RUNX3: variants seen among roughly 807,000 people sequenced by gnomAD.
RUNX3 encodes the protein runt-related transcription factor 3.
In RUNX3, 10 loss-of-function variants were observed where a neutral mutation model predicts 27.7. That is an observed-to-expected ratio of 0.36 (90% CI 0.22 to 0.61). The LOEUF (loss-of-function observed/expected upper bound fraction) is 0.61, where lower values mean the gene tolerates loss of function less well. RUNX3 is among the 20% of genes least tolerant of loss of function. RUNX3 has a pLI of 0.72. For missense variants in RUNX3, 469 were observed against 629.5 expected (o/e 0.75, Z 2.73); for synonymous variants, 270 against 269.2 (o/e 1.00, Z -0.03).
chr1:24,926,411 A>G (rs1373130954), intron 2 of RUNX3, among the ~76,000 whole-genome samples: 1 of 152,280 alleles, frequency 6.6e-6, no homozygotes, highest in East Asian at 1.9e-4. Context: ...GGGAGCCAAC[A>G]GGAACAGGAA....
intron 2 of RUNX3, among the ~76,000 whole-genome samples, chr1:24,921,299 G>A (rs935122478): frequency 1.3e-4 from 20 of 152,120 alleles, no homozygotes; most frequent in Admixed American, 9.8e-4. Flanking sequence ...AGGAGAATCC[G>A]GAACAAAATT....
upstream of RUNX3, among the ~76,000 whole-genome samples, chr1:24,933,173 C>A (rs928479397): frequency 6.6e-6 from 1 of 152,256 alleles, no homozygotes; most frequent in East Asian, 1.9e-4. Flanking sequence ...CCTGGGAAAC[C>A]GCCTAAGAGG....
chr1:24,953,363 G>GAAAAA (rs71577738), intron 2 of RUNX3, among the ~76,000 whole-genome samples: 16 of 60,016 alleles, frequency 2.7e-4, no homozygotes, highest in Non-Finnish European at 2.9e-4. Flanking sequence ...GACTCCGTCT[G>GAAAAA]AAAAAAAAAA....
At chr1:24,948,838 G>T (rs998220522) in intron 2 of RUNX3, among the ~76,000 whole-genome samples, 11 of 152,086 alleles carry the variant, frequency 7.2e-5, no homozygotes, top group African/African-American at 2.7e-4. Context: ...TGGGAAGCTG[G>T]GACCCCAGTG....
chr1:24,932,441 G>A, upstream of RUNX3, among the ~76,000 whole-genome samples: 1 of 152,028 alleles, frequency 6.6e-6, no homozygotes, highest in East Asian at 1.9e-4. Context: ...TGCCAGCCGC[G>A]GAGGTGCGGG....
At chr1:24,946,997 C>G (rs548512927) in intron 2 of RUNX3, among the ~76,000 whole-genome samples, 1 of 152,372 alleles carries the variant, frequency 6.6e-6, no homozygotes, top group Admixed American at 6.5e-5. Flanking sequence ...TCACTGTGGT[C>G]TGAGGGTCCT....
At chr1:24,930,895 C>T (rs1227433476), upstream of RUNX3, among the ~76,000 whole-genome samples, 5 of 152,164 alleles carry the variant, frequency 3.3e-5, no homozygotes, top group Admixed American at 2.6e-4. The surrounding 1 kb of genome is among the most constrained non-coding windows in gnomAD (Gnocchi z 4.1). Flanking sequence ...GGCCCCTGTG[C>T]CAAACCGGGG....
At position 24,901,018 on chromosome 1, in the gene RUNX3, T is replaced by TTTTG. The variant is rs1640531963; in HGVS notation, c.*1103_*1104insCAAA. ...AAAATCAGTTTTAAAAACTGTTTTG[T>TTTTG]TTTTTTTTTGTTTTTTTGTTTTTTT... is the stretch of plus-strand genomic sequence containing the variant. On this transcript the variant is annotated 3_prime_UTR_variant, in exon 5 of 5. Coordinates refer to ENST00000308873, the MANE Select transcript of RUNX3 (RefSeq NM_004350.3). 4 of 143,282 alleles carry TTTTG rather than the reference T, an allele frequency of 2.8e-5. No homozygotes were observed. Among genetic ancestry groups the TTTTG allele is most frequent in the African/African-American group, 8.1e-5 (3 of 37,180 alleles). The allele number at this position is 143,282 out of a possible 1,614,324, so 8.9% of individuals were successfully genotyped here.
chr1:24,911,039 C>T (rs938609526), intron 3 of RUNX3, among the ~76,000 whole-genome samples: 5 of 152,222 alleles, frequency 3.3e-5, no homozygotes, highest in African/African-American at 7.2e-5. Flanking sequence ...AATTCCAGAC[C>T]GAGTCCTCAG....
rs982084151 is a variant in RUNX3 at position 24,962,945 on chromosome 1, A to G, written c.58+1569T>C. 3 of 152,206 alleles carry G rather than the reference A, an allele frequency of 2.0e-5. No homozygotes were observed. The highest frequency in any genetic ancestry group is 7.2e-5 in the African/African-American group (3 of 41,440). The allele number at this position is 152,206 out of a possible 1,614,324, so 9.4% of individuals were successfully genotyped here. A position where few individuals can be genotyped will look rare whatever the true frequency, so the allele number is the denominator to read the frequency against. ...CAGATTACAAAGACCCGGCAAATGG[A>G]TTTTATAAACTCTTATTTTCTTGCC... is the stretch of plus-strand genomic sequence containing the variant. On this transcript the variant is annotated intron_variant, in intron 2 of 6. Transcript: ENST00000338888. This position sits in a 1 kb window ranked among gnomAD's most constrained non-coding sequence, Gnocchi z 4.5.
chr1:24,952,849 A>C (rs1274732247), intron 2 of RUNX3, among the ~76,000 whole-genome samples: 5 of 152,236 alleles, frequency 3.3e-5, no homozygotes, highest in Non-Finnish European at 5.9e-5. Flanking sequence ...TCTGATTCTA[A>C]ACCCCACATT....
chr1:24,936,291 G>A (rs1641349328), intron 2 of RUNX3, among the ~76,000 whole-genome samples: 1 of 152,188 alleles, frequency 6.6e-6, no homozygotes, highest in African/African-American at 2.4e-5. Flanking sequence ...AAAGAAAACT[G>A]AGGCTTAGAG....
chr1:24,911,542 C>T (rs2124263896), intron 3 of RUNX3, among the ~76,000 whole-genome samples: 1 of 152,346 alleles, frequency 6.6e-6, no homozygotes, highest in South Asian at 2.1e-4. Flanking sequence ...GGACACTTTC[C>T]AGTCACGTGG....
At chr1:24,914,253 G>A (rs1441104531) in intron 3 of RUNX3, among the ~76,000 whole-genome samples, 1 of 152,228 alleles carries the variant, frequency 6.6e-6, no homozygotes, top group Non-Finnish European at 1.5e-5. Flanking sequence ...TGGGGACAGT[G>A]TGGGCTCCAA....
In RUNX3 at chr1:24,901,883, C is replaced by A. The variant is rs1227211169; in HGVS notation, c.*239G>T. On this transcript the variant is annotated 3_prime_UTR_variant, in exon 5 of 5. Transcript: ENST00000308873. ...CCCACAGAAGTATGGGATGAGACGG[C>A]CAGGATCTGGGCCGGGGGCAGTATC... 2.0e-6 allele frequency: 1 copy of A among 503,442 alleles called. No homozygotes were observed. Among genetic ancestry groups the A allele is most frequent in the Non-Finnish European group, 3.5e-6 (1 of 284,434 alleles). The allele number at this position is 503,442 out of a possible 1,614,324, so 31.2% of individuals were successfully genotyped here.
Position 24,943,778 on chromosome 1 carries a change from TCAGC to T in RUNX3, c.59-13930_59-13927del, listed in dbSNP as rs1275883532. ...GTCAGGCCCCCTGAGGGCAGGGTCCTCAGCCAGGACCTAGGCTCCCAGATGTTAC... is the reference window on the plus strand; with the variant it reads ...GTCAGGCCCCCTGAGGGCAGGGTCCTCAGGACCTAGGCTCCCAGATGTTAC... On this transcript the variant is annotated intron_variant, in intron 2 of 6. Coordinates refer to the RUNX3 transcript ENST00000338888. The surrounding 1 kb of genome is among the most constrained non-coding windows in gnomAD (Gnocchi z 4.6). 1.3e-5 allele frequency among the ~76,000 whole-genome samples: 2 copies of T among 152,240 alleles called. No individual in the cohort carries two copies. Among genetic ancestry groups the T allele is most frequent in the African/African-American group, 4.8e-5 (2 of 41,456 alleles).
rs1327822414 is a variant in RUNX3, at chr1:24,962,372, T to G, written c.58+2142A>C. 6.6e-6 allele frequency: 1 copy of G among 152,172 alleles called. No homozygotes were observed. Among genetic ancestry groups the G allele is most frequent in the Non-Finnish European group, 1.5e-5 (1 of 68,020 alleles). The allele number at this position is 152,172 out of a possible 1,614,324, so 9.4% of individuals were successfully genotyped here. On this transcript the variant is annotated intron_variant, in intron 2 of 6. Coordinates refer to the RUNX3 transcript ENST00000338888. This position sits in a 1 kb window ranked among gnomAD's most constrained non-coding sequence, Gnocchi z 4.5. ...GCAACTCCGAGGAGGAACCTGAAGG[T>G]TCCCTGAGACTGCCAAGGGTCGGTG... is the stretch of plus-strand genomic sequence containing the variant.
intron 2 of RUNX3, among the ~76,000 whole-genome samples, chr1:24,958,188 G>A (rs551046647): frequency 4.6e-5 from 7 of 152,230 alleles, no homozygotes; most frequent in South Asian, 2.1e-4. Context: ...GGCCACAGTT[G>A]CTCCTCCCAA....
chr1:24,958,927 G>A (rs990275970), intron 2 of RUNX3, among the ~76,000 whole-genome samples: 2 of 152,222 alleles, frequency 1.3e-5, no homozygotes, highest in Non-Finnish European at 2.9e-5. Flanking sequence ...CTGCAGATAA[G>A]GCATCCCCAG....
Sources: allele counts gnomAD v4.1 joint callset (sites outside exome capture counted in the v4.1 genomes callset), GRCh38; gene constraint gnomAD v4.1.1; non-coding constraint Gnocchi (gnomAD v3.1); transcripts MANE v1.5; gene names NCBI Gene and HGNC (gene_info 2026-07-23, HGNC 2026-07-21).